Variants in UGT1A9 observed in about 807,000 individuals in gnomAD.
UGT1A9 encodes the protein UDP-glucuronosyltransferase 1A9.
In UGT1A9, 35 loss-of-function variants were observed where a neutral mutation model predicts 45.0. That is an observed-to-expected ratio of 0.78 (90% CI 0.59 to 1.03). The LOEUF is 1.03. Among genes scored for constraint, UGT1A9 ranks in the 50% least tolerant of loss-of-function variants. UGT1A9 has a pLI of 0.00. For missense variants in UGT1A9, 687 were observed against 666.6 expected (o/e 1.03, Z -0.34); for synonymous variants, 278 against 250.6 (o/e 1.11, Z -1.03).
intron 1 of UGT1A9, among the ~76,000 whole-genome samples, chr2:233,735,045 C>G (rs2078601106): frequency 6.6e-6 from 1 of 152,170 alleles, no homozygotes; most frequent in Non-Finnish European, 1.5e-5. Flanking sequence ...TGGTGCAGAG[C>G]TGAGTTCAGG....
chr2:233,687,393 A>G (rs984891443), intron 1 of UGT1A9, among the ~76,000 whole-genome samples: 3 of 152,106 alleles, frequency 2.0e-5, no homozygotes, highest in Non-Finnish European at 4.4e-5. Context: ...ATTAAATATA[A>G]TAAAAGCTAA....
Position 233,692,853 on chromosome 2 carries a change from G to T in UGT1A9, c.855+20064G>T, listed in dbSNP as rs571561782. 67 of 1,463,022 alleles carry T rather than the reference G, an allele frequency of 4.6e-5. 1 individual carries two copies. In the African/African-American group the frequency reaches 8.5e-4, roughly 19 times the overall value. 90.6% of individuals were successfully genotyped at this position (1,463,022 alleles called of 1,614,324 possible). On this transcript the variant is annotated intron_variant, in intron 1 of 4. Coordinates refer to ENST00000354728, the MANE Select transcript of UGT1A9 (RefSeq NM_021027.3). Reference sequence around the variant, plus strand: ...TTAAAATGGTTAAATATTAATTTGGGTTCTTACATATCAAAGGGTAAAATT... The same window carrying T: ...TTAAAATGGTTAAATATTAATTTGGTTTCTTACATATCAAAGGGTAAAATT...
intron 1 of UGT1A9, chr2:233,741,006 G>T (rs1691538713): frequency 6.6e-6 from 1 of 151,750 alleles, no homozygotes; most frequent in Admixed American, 6.6e-5. Context: ...AGGATCACTT[G>T]AGCCCAGGAA....
Position 233,760,912 on chromosome 2 carries a change from C to G in UGT1A9, c.856-6122C>G, listed in dbSNP as rs72551343. On this transcript the variant is annotated intron_variant, in intron 1 of 4. Transcript: ENST00000354728. ...TTCAGATCACATGACCTTCCTGCAG[C>G]GGGTGAAGAACATGCTCATTGCCTT... The G allele has an allele frequency of 6.2e-7, 1 of 1,614,070 alleles. No individual in the cohort carries two copies. The highest frequency in any genetic ancestry group is 1.3e-5 in the African/African-American group (1 of 74,930).
In UGT1A9 at chr2:233,703,202, A is replaced by G. The variant is rs1415439812; in HGVS notation, c.855+30413A>G. ...TTTGTTTCTTTCTAGGAATTTGTCA[A>G]TTTTATCTAAGTTATCTAATTCCTT... is the stretch of plus-strand genomic sequence containing the variant. On this transcript the variant is annotated intron_variant, in intron 1 of 4. Coordinates refer to ENST00000354728, the MANE Select transcript of UGT1A9 (RefSeq NM_021027.3). Among the ~76,000 whole-genome samples, 6 of 152,168 alleles carry G rather than the reference A, an allele frequency of 3.9e-5. No individual in the cohort carries two copies. In the East Asian group the frequency reaches 5.8e-4, roughly 15 times the overall value.
intron 1 of UGT1A9, among the ~76,000 whole-genome samples, chr2:233,757,286 A>G (rs1696467514): frequency 8.1e-6 from 1 of 123,644 alleles, no homozygotes. Flanking sequence ...TTCAGAAGGG[A>G]CAGCTGGGGG....
intron 1 of UGT1A9, among the ~76,000 whole-genome samples, chr2:233,687,932 T>C (rs1013088833): frequency 6.6e-6 from 1 of 152,206 alleles, no homozygotes; most frequent in African/African-American, 2.4e-5. Context: ...AATAAATACA[T>C]GAATAAATAA....
chr2:233,752,600 T>C (rs1023436245), intron 1 of UGT1A9: 2 of 152,076 alleles, frequency 1.3e-5, no homozygotes, highest in African/African-American at 4.8e-5. Flanking sequence ...AGATTTTTTT[T>C]AAAAAAACAT....
chr2:233,731,227 AT>A (rs2078124721), intron 1 of UGT1A9, among the ~76,000 whole-genome samples: 1 of 151,928 alleles, frequency 6.6e-6, no homozygotes, highest in Non-Finnish European at 1.5e-5. Flanking sequence ...ATTTGTAAAA[AT>A]GTTGAAAAGT....
chr2:233,757,047 T>C (rs1479467900), intron 1 of UGT1A9, among the ~76,000 whole-genome samples: 1 of 151,210 alleles, frequency 6.6e-6, no homozygotes, highest in Non-Finnish European at 1.5e-5. Context: ...CAAAGGAAGT[T>C]TGGGGAACAG....
At chr2:233,741,151 C>T (rs1377389492) in intron 1 of UGT1A9, among the ~76,000 whole-genome samples, 2 of 151,930 alleles carry the variant, frequency 1.3e-5, no homozygotes, top group Admixed American at 6.5e-5. Flanking sequence ...TATGACAGCA[C>T]TAATCCAGGA....
chr2:233,724,371 C>T (rs1285685419), intron 1 of UGT1A9, among the ~76,000 whole-genome samples: 4 of 147,620 alleles, frequency 2.7e-5, no homozygotes, highest in African/African-American at 1.0e-4. Flanking sequence ...GACGGGGTGG[C>T]TGCCGGGCGG....
chr2:233,743,437 C>G (rs1376111647), intron 1 of UGT1A9: 4 of 1,360,536 alleles, frequency 2.9e-6, no homozygotes, highest in East Asian at 4.6e-5. Flanking sequence ...GGAACGAAAT[C>G]CTGTATCAAA....
intron 1 of UGT1A9, among the ~76,000 whole-genome samples, chr2:233,757,567 T>TATATATATATATATATATA (rs1553619947): frequency 7.0e-6 from 1 of 142,920 alleles, no homozygotes; most frequent in Non-Finnish European, 1.5e-5. Flanking sequence ...TATATGTATA[T>TATATATATATATATATATA]ATGATATAGC....
chr2:233,675,766 G>T (rs924874069), intron 1 of UGT1A9, among the ~76,000 whole-genome samples: 3 of 151,940 alleles, frequency 2.0e-5, no homozygotes, highest in African/African-American at 7.3e-5. Context: ...TCTTTTTAAA[G>T]AAAACTTTTA....
intron 1 of UGT1A9, among the ~76,000 whole-genome samples, chr2:233,679,330 A>G (rs1187073119): frequency 4.6e-5 from 7 of 152,166 alleles, no homozygotes; most frequent in Non-Finnish European, 8.8e-5. Context: ...ACGCGTTCTT[A>G]TTGTTGAGTC....
chr2:233,743,768 G>C lies in UGT1A9; in HGVS notation c.856-23266G>C, dbSNP rs1559387872. The C allele has an allele frequency of 2.9e-6, 4 of 1,367,228 alleles. No individual in the cohort carries two copies. In the African/African-American group the frequency reaches 5.9e-5, roughly 20 times the overall value. 84.7% of individuals were successfully genotyped at this position (1,367,228 alleles called of 1,614,324 possible). A position where few individuals can be genotyped will look rare whatever the true frequency, so the allele number is the denominator to read the frequency against. ...GTCCGACAACACCTCGTAGGCCTCGGCCACCTGCTTGAATCTCCTCTCCGC... is the reference window on the plus strand; with the variant it reads ...GTCCGACAACACCTCGTAGGCCTCGCCCACCTGCTTGAATCTCCTCTCCGC... On this transcript the variant is annotated intron_variant, in intron 1 of 4. Coordinates refer to ENST00000354728, the MANE Select transcript of UGT1A9 (RefSeq NM_021027.3).
intron 1 of UGT1A9, among the ~76,000 whole-genome samples, chr2:233,732,114 C>A (rs1362758962): frequency 6.7e-6 from 1 of 148,542 alleles, no homozygotes; most frequent in Non-Finnish European, 1.5e-5. Flanking sequence ...TATCCTTTGC[C>A]CACTTTTTGA....
At chr2:233,755,183 C>G (rs564578980) in intron 1 of UGT1A9, 175 of 1,199,670 alleles carry the variant, frequency 1.5e-4, no homozygotes, top group Middle Eastern at 2.2e-4. Context: ...CGGGGTGCCA[C>G]TTGAGCGCCA....
Sources: allele counts gnomAD v4.1 joint callset (sites outside exome capture counted in the v4.1 genomes callset), GRCh38; gene constraint gnomAD v4.1.1; transcripts MANE v1.5; gene names NCBI Gene and HGNC (gene_info 2026-07-23, HGNC 2026-07-21).